The following VPS13D variants were observed in gnomAD, a reference collection of about 807,000 sequenced individuals.
VPS13D encodes intermembrane lipid transfer protein VPS13D.
Under a neutral mutation model 461.9 loss-of-function variants are expected in VPS13D, and 187 were observed. The observed-to-expected ratio is 0.40, with a 90% CI of 0.36 to 0.46. The LOEUF is 0.46. Ranked by LOEUF, VPS13D falls within the 20% of genes least tolerant of loss-of-function variation. The probability of loss-of-function intolerance (pLI) is 0.60; values close to 1 mark genes in which losing one functional copy is unlikely to be tolerated. For synonymous variants in VPS13D, 1,951 were observed against 1,986.3 expected, an observed-to-expected ratio of 0.98 and a Z score of 0.47; for missense variants, 4,711 against 5,364.9, an observed-to-expected ratio of 0.88 and a Z score of 3.81.
chr1:12,365,613 A>G (rs1308177366), intron 52 of VPS13D, among the ~76,000 whole-genome samples: 14 of 151,936 alleles, frequency 9.2e-5, no homozygotes, highest in Admixed American at 9.2e-4. Context: ...CTGAGGCAGG[A>G]GAATCACTTG....
At chr1:12,332,029 C>T (rs1643346001) in intron 37 of VPS13D, among the ~76,000 whole-genome samples, 1 of 152,096 alleles carries the variant, frequency 6.6e-6, no homozygotes, top group African/African-American at 2.4e-5. Context: ...ATTTTTCACA[C>T]CCAAGAGATT....
In VPS13D at chr1:12,314,305, A is replaced by C. The variant is rs752746613; in HGVS notation, c.7126A>C (p.Ile2376Leu). The C allele has an allele frequency of 6.2e-7, 1 of 1,613,908 alleles. No individual in the cohort carries two copies. Among genetic ancestry groups the C allele is most frequent in the Non-Finnish European group, 8.5e-7 (1 of 1,179,792 alleles). ...AKNSSTTQGS[I>L]QIELHFRSTK... ...GAACAGCAGCACCACCCAAGGGTCCATTCAGATTGAACTACATTTCAGGTA... is the reference window on the plus strand; with the variant it reads ...GAACAGCAGCACCACCCAAGGGTCCCTTCAGATTGAACTACATTTCAGGTA... The change falls in exon 30 of 70, where the codon ATT (isoleucine) becomes CTT (leucine). Residue 2376 changes from isoleucine to leucine, a missense_variant. Coordinates refer to ENST00000620676, the MANE Select transcript of VPS13D (RefSeq NM_015378.4).
intron 63 of VPS13D, among the ~76,000 whole-genome samples, chr1:12,409,517 A>G (rs1644696677): frequency 6.6e-6 from 1 of 152,220 alleles, no homozygotes; most frequent in African/African-American, 2.4e-5. Flanking sequence ...GTGCTATTAG[A>G]CTAAATCACA....
At chr1:12,379,434 C>G (rs759466242) in intron 56 of VPS13D, 54 bp from the exon 57 acceptor site, 3 of 1,518,732 alleles carry the variant, frequency 2.0e-6, no homozygotes, top group Admixed American at 3.5e-5. Flanking sequence ...TCCCTTCAGG[C>G]GTGAAACAGT....
chr1:12,337,311 G>A (rs1643473237), intron 39 of VPS13D: 1 of 152,074 alleles, frequency 6.6e-6, no homozygotes, highest in African/African-American at 2.4e-5. Flanking sequence ...TATTCTTTTA[G>A]CAGGCCTACT....
At position 12,283,711 on chromosome 1, in the gene VPS13D, C is replaced by T; in HGVS notation, c.5609C>T (p.Pro1870Leu). ...TCCATGGAGTCTGGACTTCAGGATC[C>T]AGTGAACACCAAACTGGATCTCAAG... ...HASMESGLQD[P>L]VNTKLDLKVH... Residue 1870 changes from proline (P) to leucine (L), a missense_variant, in exon 21 of 70, where the codon CCA becomes CTA. Physicochemically the swap from Pro to Leu is moderately conservative, Grantham distance 98 (BLOSUM62 -3). Transcript: ENST00000620676. 1 of 1,613,418 alleles carries T rather than the reference C, an allele frequency of 6.2e-7. No individual in the cohort carries two copies. Among genetic ancestry groups the T allele is most frequent in the Non-Finnish European group, 8.5e-7 (1 of 1,179,462 alleles).
intron 8 of VPS13D, 120 bp downstream of exon 8, chr1:12,256,623 A>G: frequency 6.0e-6 from 7 of 1,172,914 alleles, no homozygotes; most frequent in Non-Finnish European, 8.4e-6. Flanking sequence ...TTCCCTCCAG[A>G]CTAAAGTTGT....
rs530234878 is a variant in VPS13D, at chr1:12,347,137, G to T, written c.9069+485G>T. On this transcript the variant is annotated intron_variant, in intron 44 of 69. Transcript: ENST00000620676. Reference sequence around the variant, plus strand: ...GGTTTTGAAACAAAATTTCAGGTAGGCCTGAACAATATCAAGGTTTGAAAC... The same window carrying T: ...GGTTTTGAAACAAAATTTCAGGTAGTCCTGAACAATATCAAGGTTTGAAAC... Among the ~76,000 whole-genome samples the T allele has an allele frequency of 4.0e-5, 6 of 151,740 alleles. No homozygotes were observed. In the East Asian group the frequency reaches 1.2e-3, roughly 29 times the overall value.
rs1003364999 is a variant in VPS13D, at chr1:12,319,568, G to A, written c.7486G>A (p.Val2496Met). The A allele has an allele frequency of 6.2e-7, 1 of 1,614,084 alleles. No individual in the cohort carries two copies. Among genetic ancestry groups the A allele is most frequent in the African/African-American group, 1.3e-5 (1 of 74,924 alleles). ...TNAIILKGTTVLTYKPRFVDR... is the reference protein window; with the variant it reads ...TNAIILKGTTMLTYKPRFVDR... ...TGCCATTATTCTGAAAGGCACCACA[G>A]TGCTCACCTATAAGCCCCGGTTTGT... Residue 2496 changes from valine to methionine, a missense_variant, in exon 32 of 70, where the codon GTG becomes ATG. Transcript: ENST00000620676.
chr1:12,439,570 G>C (rs2100336150), intron 65 of VPS13D, among the ~76,000 whole-genome samples: 1 of 152,092 alleles, frequency 6.6e-6, no homozygotes, highest in East Asian at 1.9e-4. Context: ...CAACTGAAAT[G>C]TGACATGAAT....
chr1:12,370,527 T>A (rs538104493), intron 54 of VPS13D, among the ~76,000 whole-genome samples: 94 of 152,140 alleles, frequency 6.2e-4, no homozygotes, highest in Non-Finnish European at 1.2e-3. Context: ...AATCTCTGGG[T>A]TTTTGCATTA....
Position 12,276,380 on chromosome 1 carries a change from T to C in VPS13D, c.2792T>C (p.Val931Ala). The stretch of plus-strand genomic sequence containing the variant: ...CAGCGGGGAAGTTTGCAAGACTCCG[T>C]AATGAATTTAACCCAGAGCATTGTG... ...EEQRGSLQDS[V>A]MNLTQSIVLL... The change falls in exon 19 of 70, where the codon GTA (valine) becomes GCA (alanine). Residue 931 changes from valine to alanine, a missense_variant. By Grantham distance (64) the Val-to-Ala change is moderately conservative. This residue lies in a region of VPS13D where 4,411 missense variants were observed against 4,937.8 expected (regional missense o/e 0.89). Coordinates refer to ENST00000620676, the MANE Select transcript of VPS13D (RefSeq NM_015378.4). This position sits in a 1 kb window ranked among gnomAD's most constrained non-coding sequence, Gnocchi z 4.5. 1.2e-6 allele frequency: 2 copies of C among 1,614,176 alleles called. No homozygotes were observed. Among genetic ancestry groups the C allele is most frequent in the South Asian group, 1.1e-5 (1 of 91,080 alleles).
In VPS13D at chr1:12,430,577, T is replaced by C. The variant is rs374997891; in HGVS notation, c.12333+13750T>C. Among the ~76,000 whole-genome samples, 21 of 152,322 alleles carry C rather than the reference T, an allele frequency of 1.4e-4. No individual in the cohort carries two copies. The East Asian group carries it at 3.9e-3, about 28-fold the overall frequency. The stretch of plus-strand genomic sequence containing the variant: ...AAATTAAGTTACACAGGTTAAATGG[T>C]TTTGCCAAGACCGTGCAGTCAGTGT... On this transcript the variant is annotated intron_variant, in intron 65 of 69. Transcript: ENST00000620676.
Position 12,279,702 on chromosome 1 carries a change from A to G in VPS13D, c.4602+52A>G. ...TCATATGTTTATATTAGTACTCTAT[A>G]AATATGATATATATTTATGTATATT... On this transcript the variant is annotated intron_variant, in intron 20 of 69. Coordinates refer to ENST00000620676, the MANE Select transcript of VPS13D (RefSeq NM_015378.4). This position sits in a 1 kb window ranked among gnomAD's most constrained non-coding sequence, Gnocchi z 4.3. The G allele has an allele frequency of 2.1e-6, 3 of 1,418,960 alleles. No individual in the cohort carries two copies. The highest frequency in any genetic ancestry group is 2.8e-6 in the Non-Finnish European group (3 of 1,055,256). The allele number at this position is 1,418,960 out of a possible 1,614,324, so 87.9% of individuals were successfully genotyped here. A position where few individuals can be genotyped will look rare whatever the true frequency, so the allele number is the denominator to read the frequency against.
chr1:12,331,392 A>G (rs1205658982), intron 37 of VPS13D, among the ~76,000 whole-genome samples: 2 of 152,074 alleles, frequency 1.3e-5, no homozygotes, highest in Non-Finnish European at 2.9e-5. Context: ...TGTGTACCAG[A>G]CTCACTTAAA....
At chr1:12,392,520 T>G (rs1411665432) in intron 60 of VPS13D, among the ~76,000 whole-genome samples, 3 of 145,702 alleles carry the variant, frequency 2.1e-5, no homozygotes, top group African/African-American at 5.1e-5. Context: ...AATTCTTGAT[T>G]AAAATAATAT....
In VPS13D at chr1:12,253,781, T is replaced by A; in HGVS notation, c.624T>A (p.Asp208Glu). The change falls in exon 7 of 70, where the codon GAT (aspartate) becomes GAA (glutamate). Residue 208 changes from aspartate (D) to glutamate (E), a missense_variant. By Grantham distance (45) the Asp-to-Glu change is conservative. Coordinates refer to ENST00000620676, the MANE Select transcript of VPS13D (RefSeq NM_015378.4). The part of the protein sequence containing the change: ...LDVAEFSIYW[D>E]VDCTLLGDLP... ...TAGCAGAATTTAGCATCTATTGGGA[T>A]GTCGATTGCACTTTACTGGGGGATT... 5.0e-6 allele frequency: 8 copies of A among 1,614,168 alleles called. No individual in the cohort carries two copies. The highest frequency in any genetic ancestry group is 6.8e-6 in the Non-Finnish European group (8 of 1,180,012).
intron 54 of VPS13D, among the ~76,000 whole-genome samples, chr1:12,372,211 G>A (rs1435007646): frequency 3.3e-5 from 5 of 151,938 alleles, no homozygotes; most frequent in African/African-American, 9.7e-5. Context: ...GCAGCACCAC[G>A]CCCAGCTAAT....
intron 52 of VPS13D, among the ~76,000 whole-genome samples, chr1:12,366,910 A>C (rs577653402): frequency 6.6e-6 from 1 of 152,216 alleles, no homozygotes; most frequent in East Asian, 1.9e-4. Context: ...TAAAAACCTC[A>C]CTTATCACCC....
Sources: allele counts gnomAD v4.1 joint callset (sites outside exome capture counted in the v4.1 genomes callset), GRCh38; gene constraint gnomAD v4.1.1; regional missense constraint gnomAD v4.1.1; non-coding constraint Gnocchi (gnomAD v3.1); transcripts MANE v1.5; gene names NCBI Gene and HGNC (gene_info 2026-07-23, HGNC 2026-07-21).